EEF1AKMT3: variants seen among roughly 807,000 people sequenced by gnomAD.
The protein encoded by EEF1AKMT3 is eEF1A-KMT3.
A neutral mutation model predicts 17.8 loss-of-function variants in EEF1AKMT3; 17 were observed. The ratio of observed to expected loss-of-function variants is 0.96; its 90% CI spans 0.65 to 1.43. The LOEUF (loss-of-function observed/expected upper bound fraction) is 1.43, where lower values mean the gene tolerates loss of function less well. EEF1AKMT3 is among the 40% of genes most tolerant of loss of function. The probability of loss-of-function intolerance (pLI) is 0.00; values close to 1 mark genes in which losing one functional copy is unlikely to be tolerated. For synonymous variants in EEF1AKMT3, 116 were observed against 126.5 expected (o/e 0.92, Z 0.56); for missense variants, 244 against 285.8 (o/e 0.85, Z 1.06).
intron 2 of EEF1AKMT3, among the ~76,000 whole-genome samples, chr12:57,775,998 C>G (rs1251414162): frequency 6.6e-6 from 1 of 152,238 alleles, no homozygotes; most frequent in Non-Finnish European, 1.5e-5. Context: ...ACTACTACAA[C>G]AGCCACACTT....
chr12:57,782,250 G>C lies in EEF1AKMT3; in HGVS notation c.*1604G>C, dbSNP rs1211377564. ...CTTAATTTGTCTTGCATGGACATTT[G>C]TGATTCTCATTTTCTCACCATTAAA... On this transcript the variant is annotated 3_prime_UTR_variant, in exon 3 of 3. Coordinates refer to ENST00000300209, the MANE Select transcript of EEF1AKMT3 (RefSeq NM_015433.3). The C allele has an allele frequency of 6.6e-6, 1 of 152,344 alleles. No homozygotes were observed. The highest frequency in any genetic ancestry group is 2.4e-5 in the African/African-American group (1 of 41,418). 9.4% of individuals were successfully genotyped at this position (152,344 alleles called of 1,614,324 possible).
Position 57,780,953 on chromosome 12 carries a change from T to A in EEF1AKMT3, c.*307T>A. 1 of 434,872 alleles carries A rather than the reference T, an allele frequency of 2.3e-6. No individual in the cohort carries two copies. Among genetic ancestry groups the A allele is most frequent in the Non-Finnish European group, 4.2e-6 (1 of 240,502 alleles). The allele number at this position is 434,872 out of a possible 1,614,324, so 26.9% of individuals were successfully genotyped here. On this transcript the variant is annotated 3_prime_UTR_variant, in exon 3 of 3. Coordinates refer to ENST00000300209, the MANE Select transcript of EEF1AKMT3 (RefSeq NM_015433.3). The stretch of plus-strand genomic sequence containing the variant: ...ATTTTTAGGGGGTAAGGGAGATATA[T>A]GGGATGTGAGAGCAGTGATTGTAGA...
intron 2 of EEF1AKMT3, among the ~76,000 whole-genome samples, 185 bp from the exon 3 acceptor site, chr12:57,780,070 A>C (rs1157243186): frequency 1.3e-5 from 2 of 152,206 alleles, no homozygotes; most frequent in East Asian, 3.8e-4. Flanking sequence ...TTGATGTTGT[A>C]GAATGTAGAG....
chr12:57,778,293 C>CTTTTTGTTTTTTTTTT lies in EEF1AKMT3; in HGVS notation c.290-1957_290-1956insGTTTTTTTTTTTTTTT, dbSNP rs1955492463. ...CCAAACACCCAGAAACCATCCTGAGCTTTTTTTTTTTTTTTGAGACAGGTT... is the reference window on the plus strand; with the variant it reads ...CCAAACACCCAGAAACCATCCTGAGCTTTTTGTTTTTTTTTTTTTTTTTTTTTTTTTGAGACAGGTT... On this transcript the variant is annotated intron_variant, in intron 2 of 2. Transcript: ENST00000300209. Among the ~76,000 whole-genome samples, 2 of 43,994 alleles carry CTTTTTGTTTTTTTTTT rather than the reference C, an allele frequency of 4.5e-5. 1 individual carries two copies. Among genetic ancestry groups the CTTTTTGTTTTTTTTTT allele is most frequent in the Non-Finnish European group, 7.8e-5 (2 of 25,678 alleles). 28.9% of individuals were successfully genotyped at this position (43,994 alleles called of 152,430 possible).
chr12:57,774,373 G>A (rs2140407226), intron 2 of EEF1AKMT3, among the ~76,000 whole-genome samples: 1 of 152,292 alleles, frequency 6.6e-6, no homozygotes, highest in South Asian at 2.1e-4. Context: ...TCAGCTACTT[G>A]GGAGGCTGAG....
At position 57,780,711 on chromosome 12, in the gene EEF1AKMT3, T is replaced by C; in HGVS notation, c.*65T>C. The C allele has an allele frequency of 6.4e-7, 1 of 1,574,154 alleles. No individual in the cohort carries two copies. The highest frequency in any genetic ancestry group is 1.1e-5 in the South Asian group (1 of 87,980). ...AAGGAACTGTGTATCTCAAAAACCA[T>C]ATTTCCAGAGCCACAAACATGAGGA... On this transcript the variant is annotated 3_prime_UTR_variant, in exon 3 of 3. Coordinates refer to ENST00000300209, the MANE Select transcript of EEF1AKMT3 (RefSeq NM_015433.3).
intron 2 of EEF1AKMT3, among the ~76,000 whole-genome samples, chr12:57,779,737 C>T (rs927702012): frequency 3.9e-5 from 6 of 152,166 alleles, no homozygotes; most frequent in African/African-American, 1.4e-4. Flanking sequence ...ATCACTTTCC[C>T]TTTGTCTCAT....
chr12:57,774,224 TA>T (rs1476395699), intron 2 of EEF1AKMT3, among the ~76,000 whole-genome samples: 1 of 152,240 alleles, frequency 6.6e-6, no homozygotes, highest in Non-Finnish European at 1.5e-5. Flanking sequence ...CTCACACCTG[TA>T]ATCCCAGCCC....
Position 57,780,703 on chromosome 12 carries a change from A to G in EEF1AKMT3, c.*57A>G. ...CTCTAATGAAGGAACTGTGTATCTC[A>G]AAAACCATATTTCCAGAGCCACAAA... On this transcript the variant is annotated 3_prime_UTR_variant, in exon 3 of 3. Coordinates refer to ENST00000300209, the MANE Select transcript of EEF1AKMT3 (RefSeq NM_015433.3). 6.3e-7 allele frequency: 1 copy of G among 1,579,574 alleles called. No homozygotes were observed. The highest frequency in any genetic ancestry group is 8.5e-7 in the Non-Finnish European group (1 of 1,171,106).
chr12:57,775,740 G>A (rs1303096656), intron 2 of EEF1AKMT3, among the ~76,000 whole-genome samples: 1 of 152,138 alleles, frequency 6.6e-6, no homozygotes, highest in Non-Finnish European at 1.5e-5. Flanking sequence ...CTGGGGAAGT[G>A]TGACATACCC....
intron 2 of EEF1AKMT3, 85 bp from the exon 3 acceptor site, chr12:57,780,170 T>C: frequency 6.5e-7 from 1 of 1,532,740 alleles, no homozygotes; most frequent in Non-Finnish European, 8.8e-7. Context: ...CTCTATGCTC[T>C]GAGGTCTCTG....
chr12:57,775,362 A>G (rs1302266975), intron 2 of EEF1AKMT3, among the ~76,000 whole-genome samples: 1 of 147,480 alleles, frequency 6.8e-6, no homozygotes, highest in Non-Finnish European at 1.5e-5. Flanking sequence ...ACCCAGTCCT[A>G]TGAGTTAAAT....
At chr12:57,774,005 A>G (rs10877015) in intron 2 of EEF1AKMT3, among the ~76,000 whole-genome samples, 43,014 of 152,150 alleles carry the variant, frequency 0.28, 7,071 homozygotes, top group East Asian at 0.65. Flanking sequence ...AAAGGTAAGG[A>G]AAAATTTGCT....
rs576281582 is a variant in EEF1AKMT3 at position 57,773,418 on chromosome 12, T to TTTTG, written c.289+292_289+293insTGTT. 3.1e-4 allele frequency among the ~76,000 whole-genome samples: 47 copies of TTTTG among 151,936 alleles called. 2 individuals carry two copies. In the South Asian group the frequency reaches 8.1e-3, roughly 26 times the overall value. On this transcript the variant is annotated intron_variant, in intron 2 of 2. Coordinates refer to ENST00000300209, the MANE Select transcript of EEF1AKMT3 (RefSeq NM_015433.3). ...GTTGTTTCTATCGTGTTGCTTTTTT[T>TTTTG]TTGTTTTTAATTTTTTTTGTTTTTT... is the stretch of plus-strand genomic sequence containing the variant.
In EEF1AKMT3 at chr12:57,782,433, C is replaced by T. The variant is rs536847635; in HGVS notation, c.*1787C>T. On this transcript the variant is annotated 3_prime_UTR_variant, in exon 3 of 3. Transcript: ENST00000300209. ...TTCCACCCCTGCCTTCCTAGGTGACCTTGGACAAATTCTCGAACCCATTCA... is the reference window on the plus strand; with the variant it reads ...TTCCACCCCTGCCTTCCTAGGTGACTTTGGACAAATTCTCGAACCCATTCA... 1.9e-4 allele frequency: 48 copies of T among 249,878 alleles called. No homozygotes were observed. Among genetic ancestry groups the T allele is most frequent in the African/African-American group, 1.0e-3 (46 of 44,534 alleles). 15.5% of individuals were successfully genotyped at this position (249,878 alleles called of 1,614,324 possible). A position where few individuals can be genotyped will look rare whatever the true frequency, so the allele number is the denominator to read the frequency against.
In EEF1AKMT3 at chr12:57,782,429, T is replaced by A. The variant is rs754152969; in HGVS notation, c.*1783T>A. ...TGGATTCCACCCCTGCCTTCCTAGG[T>A]GACCTTGGACAAATTCTCGAACCCA... On this transcript the variant is annotated 3_prime_UTR_variant, in exon 3 of 3. Transcript: ENST00000300209. The A allele has an allele frequency of 3.2e-5, 8 of 246,898 alleles. No individual in the cohort carries two copies. Among genetic ancestry groups the A allele is most frequent in the Non-Finnish European group, 4.8e-5 (6 of 125,248 alleles). 15.3% of individuals were successfully genotyped at this position (246,898 alleles called of 1,614,324 possible).
At chr12:57,773,958 C>T (rs1251464295) in intron 2 of EEF1AKMT3, among the ~76,000 whole-genome samples, 1 of 151,968 alleles carries the variant, frequency 6.6e-6, no homozygotes, top group African/African-American at 2.4e-5. Flanking sequence ...TTGTAGGAAG[C>T]GGGGTAGGAA....
chr12:57,780,747 T>A lies in EEF1AKMT3; in HGVS notation c.*101T>A, dbSNP rs1955508577. On this transcript the variant is annotated 3_prime_UTR_variant, in exon 3 of 3. Transcript: ENST00000300209. ...CCACAAACATGAGGACCAAAAAGGA[T>A]GGATTTCCCTGGCCTCTCTCACTTT... The A allele has an allele frequency of 2.1e-6, 3 of 1,459,396 alleles. No individual in the cohort carries two copies. Among genetic ancestry groups the A allele is most frequent in the Admixed American group, 4.5e-5 (2 of 44,702 alleles). 90.4% of individuals were successfully genotyped at this position (1,459,396 alleles called of 1,614,324 possible).
intron 2 of EEF1AKMT3, chr12:57,774,765 C>T: frequency 6.2e-7 from 1 of 1,607,018 alleles, no homozygotes; most frequent in Non-Finnish European, 8.5e-7. Context: ...GAAGCTCTGT[C>T]AGGTGAGGAG....
Sources: allele counts gnomAD v4.1 joint callset (sites outside exome capture counted in the v4.1 genomes callset), GRCh38; gene constraint gnomAD v4.1.1; transcripts MANE v1.5; gene names NCBI Gene and HGNC (gene_info 2026-07-23, HGNC 2026-07-21).